Variants in CKM observed in about 807,000 individuals in gnomAD.
CKM encodes creatine kinase, M-type.
In CKM, 28 loss-of-function variants were observed where a neutral mutation model predicts 35.4. That is an observed-to-expected ratio of 0.79 (90% CI 0.59 to 1.08). The LOEUF (loss-of-function observed/expected upper bound fraction) is 1.08. Among genes scored for constraint, CKM ranks in the 50% least tolerant of loss-of-function variants. The pLI, the probability that CKM is intolerant of heterozygous loss-of-function variation, is 0.00. For missense variants in CKM, 484 were observed against 509.8 expected (o/e 0.95, Z 0.49); for synonymous variants, 215 against 204.4 (o/e 1.05, Z -0.44).
At chr19:45,310,215 G>A (rs1396968210) in intron 5 of CKM, among the ~76,000 whole-genome samples, 1 of 142,040 alleles carries the variant, frequency 7.0e-6, no homozygotes, top group Non-Finnish European at 1.5e-5. Context: ...CCGCCTCCCG[G>A]GTTCACGCCA....
In CKM at chr19:45,306,469, A is replaced by G. The variant is rs1568508279; in HGVS notation, c.*281T>C. 2.0e-6 allele frequency: 1 copy of G among 511,360 alleles called. No homozygotes were observed. Among genetic ancestry groups the G allele is most frequent in the Non-Finnish European group, 3.6e-6 (1 of 280,634 alleles). The allele number at this position is 511,360 out of a possible 1,614,324, so 31.7% of individuals were successfully genotyped here. A position where few individuals can be genotyped will look rare whatever the true frequency, so the allele number is the denominator to read the frequency against. On this transcript the variant is annotated 3_prime_UTR_variant, in exon 8 of 8. Coordinates refer to ENST00000221476, the MANE Select transcript of CKM (RefSeq NM_001824.5). The surrounding 1 kb of genome is among the most constrained non-coding windows in gnomAD (Gnocchi z 4.5). Reference sequence around the variant, plus strand: ...GCGTGGAGACAAAGCACAAGCTCCGAGTGTGCTGGGAGCTCTCCATTAACT... The same window carrying G: ...GCGTGGAGACAAAGCACAAGCTCCGGGTGTGCTGGGAGCTCTCCATTAACT...
chr19:45,322,070 G>T (rs1971217957), intron 1 of CKM, among the ~76,000 whole-genome samples: 1 of 152,098 alleles, frequency 6.6e-6, no homozygotes, highest in African/African-American at 2.4e-5. Flanking sequence ...AGACAGGTGG[G>T]CCAGGGTGGC....
intron 1 of CKM, among the ~76,000 whole-genome samples, chr19:45,321,390 G>A (rs1971212614): frequency 6.6e-6 from 1 of 152,130 alleles, no homozygotes; most frequent in Non-Finnish European, 1.5e-5. Flanking sequence ...CAGAAGGGAA[G>A]AAAAGCTCAG....
intron 2 of CKM, among the ~76,000 whole-genome samples, chr19:45,318,458 G>A (rs1971180751): frequency 6.6e-6 from 1 of 151,838 alleles, no homozygotes; most frequent in Non-Finnish European, 1.5e-5. Context: ...GGAACTGGGA[G>A]GGAAGGCTGG....
chr19:45,313,071 A>G (rs1971125074), intron 4 of CKM, among the ~76,000 whole-genome samples: 1 of 152,094 alleles, frequency 6.6e-6, no homozygotes, highest in Non-Finnish European at 1.5e-5. Context: ...TATATATCTT[A>G]TACATATTCA....
Position 45,318,104 on chromosome 19 carries a change from G to T in CKM, c.194-125C>A, listed in dbSNP as rs1347356347. 8 of 723,534 alleles carry T rather than the reference G, an allele frequency of 1.1e-5. No homozygotes were observed. In the East Asian group the frequency reaches 2.1e-4, roughly 19 times the overall value. The allele number at this position is 723,534 out of a possible 1,614,324, so 44.8% of individuals were successfully genotyped here. A position where few individuals can be genotyped will look rare whatever the true frequency, so the allele number is the denominator to read the frequency against. On this transcript the variant is annotated intron_variant, in intron 2 of 7. Transcript: ENST00000221476. ...GGGGCGGGTACATTCAATACCTCTG[G>T]GTGGGAATTGAGAATCATAAGGGTT...
At chr19:45,320,431 G>A (rs1435535248) in intron 1 of CKM, among the ~76,000 whole-genome samples, 1 of 152,194 alleles carries the variant, frequency 6.6e-6, no homozygotes, top group Non-Finnish European at 1.5e-5. Context: ...CAAGAGAACT[G>A]GGCAAGGCGT....
Position 45,307,504 on chromosome 19 carries a change from G to C in CKM, c.924C>G (p.Phe308Leu). The C allele has an allele frequency of 6.2e-7, 1 of 1,613,890 alleles. No individual in the cohort carries two copies. The highest frequency in any genetic ancestry group is 1.3e-5 in the African/African-American group (1 of 75,048). The change falls in exon 7 of 8, where the codon TTC (phenylalanine) becomes TTG (leucine). Residue 308 changes from phenylalanine to leucine, a missense_variant. Physicochemically the swap from Phe to Leu is conservative, Grantham distance 22. Transcript: ENST00000221476. The stretch of plus-strand genomic sequence containing the variant: ...GACGCAGGCGGGTGAGGATCTCCTC[G>C]AACTTGGGGTGCTTGCTCAGGTGCG... ...KLAHLSKHPK[F>L]EEILTRLRLQ...
chr19:45,317,745 A>G (rs1356383242), intron 3 of CKM, 80 bp downstream of exon 3: 1 of 1,470,030 alleles, frequency 6.8e-7, no homozygotes, highest in Non-Finnish European at 9.5e-7. Flanking sequence ...CTGTCTCTGT[A>G]TTTCTCTGTC....
At chr19:45,316,564 C>A (rs1971160737) in intron 3 of CKM, among the ~76,000 whole-genome samples, 1 of 151,740 alleles carries the variant, frequency 6.6e-6, no homozygotes, top group Non-Finnish European at 1.5e-5. Context: ...GTGATCCTCA[C>A]ACCTCAGCCT....
intron 6 of CKM, among the ~76,000 whole-genome samples, chr19:45,308,155 C>T (rs1019461128): frequency 2.0e-5 from 3 of 152,062 alleles, no homozygotes; most frequent in African/African-American, 4.8e-5. Flanking sequence ...GCCACCGCTC[C>T]CGGCCTGAAG....
intron 6 of CKM, among the ~76,000 whole-genome samples, chr19:45,308,149 C>T (rs565364170): frequency 3.3e-5 from 5 of 152,120 alleles, no homozygotes; most frequent in South Asian, 2.1e-4. Context: ...GCGTGAGCCA[C>T]CGCTCCCGGC....
At chr19:45,320,504 C>T (rs985686472) in intron 1 of CKM, among the ~76,000 whole-genome samples, 2 of 152,232 alleles carry the variant, frequency 1.3e-5, no homozygotes, top group Non-Finnish European at 2.9e-5. Flanking sequence ...CCCTGTGTCT[C>T]AGCAGGAAGG....
At chr19:45,308,158 G>A (rs980244514) in intron 6 of CKM, among the ~76,000 whole-genome samples, 4 of 151,926 alleles carry the variant, frequency 2.6e-5, no homozygotes, top group Non-Finnish European at 5.9e-5. Context: ...ACCGCTCCCG[G>A]CCTGAAGGCG....
At chr19:45,318,587 G>A (rs887599949) in intron 2 of CKM, among the ~76,000 whole-genome samples, 7 of 152,004 alleles carry the variant, frequency 4.6e-5, no homozygotes, top group African/African-American at 7.2e-5. Context: ...TCAGCACCTC[G>A]GAAACATTAG....
chr19:45,319,258 T>G (rs1014393833), intron 2 of CKM, among the ~76,000 whole-genome samples: 7 of 152,192 alleles, frequency 4.6e-5, no homozygotes, highest in Admixed American at 1.3e-4. Context: ...ATTTTTCAGA[T>G]GAGGAGACTG....
At chr19:45,312,676 G>A (rs1414450758) in intron 4 of CKM, among the ~76,000 whole-genome samples, 15 of 152,028 alleles carry the variant, frequency 9.9e-5, no homozygotes, top group Admixed American at 9.8e-4. Context: ...ATTGTAGGCT[G>A]GGCGCAGTGG....
chr19:45,316,531 G>A (rs1214714669), intron 3 of CKM, among the ~76,000 whole-genome samples: 1 of 151,260 alleles, frequency 6.6e-6, no homozygotes, highest in Non-Finnish European at 1.5e-5. Context: ...GCCCAAGCTG[G>A]TCGTGAACTC....
chr19:45,322,117 C>T (rs1475874470), intron 1 of CKM, among the ~76,000 whole-genome samples: 1 of 152,110 alleles, frequency 6.6e-6, no homozygotes, highest in Non-Finnish European at 1.5e-5. Context: ...GGCTCAAGGA[C>T]ATCCTGGGAT....
Sources: allele counts gnomAD v4.1 joint callset (sites outside exome capture counted in the v4.1 genomes callset), GRCh38; gene constraint gnomAD v4.1.1; non-coding constraint Gnocchi (gnomAD v3.1); transcripts MANE v1.5; gene names NCBI Gene and HGNC (gene_info 2026-07-23, HGNC 2026-07-21).